The following CYP26C1 variants were observed in gnomAD, a reference collection of about 807,000 sequenced individuals.
CYP26C1 encodes the protein cytochrome P450 26C1.
A neutral mutation model predicts 39.1 loss-of-function variants in CYP26C1; 41 were observed. The observed-to-expected ratio is 1.05, with a 90% CI of 0.82 to 1.36. The LOEUF (loss-of-function observed/expected upper bound fraction) is 1.36, where lower values mean the gene tolerates loss of function less well. CYP26C1 is among the 40% of genes most tolerant of loss of function. The probability of loss-of-function intolerance (pLI) is 0.00; values close to 1 mark genes in which losing one functional copy is unlikely to be tolerated. For synonymous variants in CYP26C1, 362 were observed against 350.8 expected (o/e 1.03, Z -0.36); for missense variants, 833 against 752.0 (o/e 1.11, Z -1.26).
At chr10:93,063,646 A>G (rs182025433) in intron 3 of CYP26C1, 8 of 985,412 alleles carry the variant, frequency 8.1e-6, no homozygotes, top group East Asian at 1.1e-4. Context: ...TAAAAATAAT[A>G]TGTGTAAAGG....
chr10:93,066,558 G>C (rs780297501), intron 5 of CYP26C1, among the ~76,000 whole-genome samples: 2 of 152,222 alleles, frequency 1.3e-5, no homozygotes, highest in African/African-American at 2.4e-5. Context: ...GCAGCGGTTC[G>C]GAACGGTCAA....
At chr10:93,063,993 C>A (rs868693313) in intron 3 of CYP26C1, 1 of 1,015,058 alleles carries the variant, frequency 9.9e-7, no homozygotes, top group Non-Finnish European at 1.2e-6. Flanking sequence ...CATCAAGGTA[C>A]CCCAGCCTGA....
In CYP26C1 at chr10:93,061,239, G is replaced by A; in HGVS notation, c.-25G>A. The A allele has an allele frequency of 1.3e-6, 2 of 1,547,190 alleles. No homozygotes were observed. The highest frequency in any genetic ancestry group is 1.7e-6 in the Non-Finnish European group (2 of 1,148,922). On this transcript the variant is annotated 5_prime_UTR_variant, in exon 1 of 6. Coordinates refer to ENST00000651965, the MANE Select transcript of CYP26C1 (RefSeq NM_183374.3). The stretch of plus-strand genomic sequence containing the variant: ...GTCCCCTGCTCTCCCTGCGCTCTGA[G>A]CGGCCTGGCCCCCGCGGGCTCATCA...
At chr10:93,064,905 C>G in intron 4 of CYP26C1, 1 of 902,920 alleles carries the variant, frequency 1.1e-6, no homozygotes, top group Non-Finnish European at 1.3e-6. Context: ...TTCATTTTTT[C>G]TAGAAACTCT....
intron 2 of CYP26C1, 60 bp downstream of exon 2, chr10:93,062,294 A>T: frequency 6.8e-7 from 1 of 1,465,192 alleles, no homozygotes; most frequent in Non-Finnish European, 9.0e-7. Flanking sequence ...GGCATCTGCC[A>T]TGGGCCAGGC....
chr10:93,066,268 C>A lies in CYP26C1; in HGVS notation c.1174C>A (p.Arg392Ser). 1 of 1,428,088 alleles carries A rather than the reference C, an allele frequency of 7.0e-7. No individual in the cohort carries two copies. The highest frequency in any genetic ancestry group is 1.6e-5 in the South Asian group (1 of 63,992). 88.5% of individuals were successfully genotyped at this position (1,428,088 alleles called of 1,614,324 possible). A position where few individuals can be genotyped will look rare whatever the true frequency, so the allele number is the denominator to read the frequency against. ...PVSGGYRTAL[R>S]TFELDGYQIP... Reference sequence around the variant, plus strand: ...GTCCGGGGGCTACCGCACCGCCCTGCGCACCTTCGAGCTCGACGTAAGTGC... The same window carrying A: ...GTCCGGGGGCTACCGCACCGCCCTGAGCACCTTCGAGCTCGACGTAAGTGC... The change falls in exon 5 of 6, where the codon CGC (arginine) becomes AGC (serine). Residue 392 changes from arginine to serine, a missense_variant. Physicochemically the swap from Arg to Ser is moderately radical, Grantham distance 110 (BLOSUM62 -1). Coordinates refer to ENST00000651965, the MANE Select transcript of CYP26C1 (RefSeq NM_183374.3).
At position 93,068,564 on chromosome 10, in the gene CYP26C1, C is replaced by G. The variant is rs755171735; in HGVS notation, c.1436C>G (p.Thr479Ser). 3.1e-5 allele frequency: 49 copies of G among 1,593,358 alleles called. No individual in the cohort carries two copies. In the Admixed American group the frequency reaches 8.0e-4, roughly 26 times the overall value. ...CTGCTAGCTGTGGAGCTAGTGCGCA[C>G]CGCGCGCTGGGAACTGGCCACACCC... The part of the protein sequence containing the change: ...LQLLAVELVR[T>S]ARWELATPAF... The change falls in exon 6 of 6, where the codon ACC becomes AGC. Residue 479 changes from threonine (T) to serine (S), a missense_variant. Coordinates refer to ENST00000651965, the MANE Select transcript of CYP26C1 (RefSeq NM_183374.3).
chr10:93,066,040 C>G lies in CYP26C1; in HGVS notation c.946C>G (p.Pro316Ala). 1.9e-6 allele frequency: 3 copies of G among 1,541,062 alleles called. No individual in the cohort carries two copies. The African/African-American group carries it at 4.3e-5, about 22-fold the overall frequency. The change falls in exon 5 of 6, where the codon CCG becomes GCG. Residue 316 changes from proline (P) to alanine (A), a missense_variant. By Grantham distance (27) the Pro-to-Ala change is conservative. Transcript: ENST00000651965. ...TSLVLLLLQHPAAIAKIREEL... is the reference protein window; with the variant it reads ...TSLVLLLLQHAAAIAKIREEL... Reference sequence around the variant, plus strand: ...GCTCGTCCTGCTGCTACTGCAGCATCCGGCGGCCATCGCCAAGATTCGGGA... The same window carrying G: ...GCTCGTCCTGCTGCTACTGCAGCATGCGGCGGCCATCGCCAAGATTCGGGA...
At chr10:93,063,313 G>C in intron 3 of CYP26C1, 1 of 1,129,424 alleles carries the variant, frequency 8.9e-7, no homozygotes, top group Non-Finnish European at 1.1e-6. Flanking sequence ...CTGCCAGTCG[G>C]TCGGACTCCT....
chr10:93,066,366 C>T, intron 5 of CYP26C1, 81 bp downstream of exon 5: 3 of 1,208,928 alleles, frequency 2.5e-6, no homozygotes, highest in Non-Finnish European at 3.1e-6. Flanking sequence ...GCCGCGGCGG[C>T]GCCCAGGTGG....
rs1590135038 is a variant in CYP26C1, at chr10:93,062,120, CCTG to C, written c.319_321del (p.Leu107del). 6.4e-7 allele frequency: 1 copy of C among 1,554,654 alleles called. No individual in the cohort carries two copies. The highest frequency in any genetic ancestry group is 1.4e-5 in the African/African-American group (1 of 73,670). On this transcript the variant is annotated inframe_deletion, in exon 2 of 6. Coordinates refer to ENST00000651965, the MANE Select transcript of CYP26C1 (RefSeq NM_183374.3). The stretch of plus-strand genomic sequence containing the variant: ...GCGGCGCGGAGAACGTGCGCACCAT[CCTG>C]CTGGGCGAGCACCGCCTGGTGCGCA...
rs1268318361 is a variant in CYP26C1, at chr10:93,061,234, T to C, written c.-30T>C. 9 of 1,544,992 alleles carry C rather than the reference T, an allele frequency of 5.8e-6. No individual in the cohort carries two copies. Among genetic ancestry groups the C allele is most frequent in the Non-Finnish European group, 7.8e-6 (9 of 1,147,996 alleles). ...CTTGCGTCCCCTGCTCTCCCTGCGCTCTGAGCGGCCTGGCCCCCGCGGGCT... is the reference window on the plus strand; with the variant it reads ...CTTGCGTCCCCTGCTCTCCCTGCGCCCTGAGCGGCCTGGCCCCCGCGGGCT... On this transcript the variant is annotated 5_prime_UTR_variant, in exon 1 of 6. Transcript: ENST00000651965.
At chr10:93,063,175 C>T (rs111691473) in intron 3 of CYP26C1, 180 bp downstream of exon 3, 41,823 of 1,376,212 alleles carry the variant, frequency 0.03, 1,497 homozygotes, top group East Asian at 0.19. Flanking sequence ...CTGGGCCTGG[C>T]CTCTGTGCTG....
At chr10:93,063,079 G>T (rs1379226670) in intron 3 of CYP26C1, 84 bp downstream of exon 3, 3 of 1,477,356 alleles carry the variant, frequency 2.0e-6, no homozygotes, top group South Asian at 1.4e-5. Context: ...CGCCCTCGGC[G>T]CACCCCGCGC....
chr10:93,067,902 T>G (rs150030041), intron 5 of CYP26C1, among the ~76,000 whole-genome samples: 34 of 152,276 alleles, frequency 2.2e-4, no homozygotes, highest in Non-Finnish European at 3.1e-4. Flanking sequence ...GTCATGTGCA[T>G]TTTTCCCACT....
chr10:93,066,765 AG>A (rs959498014), intron 5 of CYP26C1, among the ~76,000 whole-genome samples: 9 of 151,796 alleles, frequency 5.9e-5, no homozygotes, highest in Admixed American at 1.3e-4. Flanking sequence ...ATTCCAGGGG[AG>A]GGGGGGATTA....
rs1396915506 is a variant in CYP26C1 at position 93,061,589 on chromosome 10, C to G, written c.204+122C>G. 3 of 1,262,438 alleles carry G rather than the reference C, an allele frequency of 2.4e-6. No individual in the cohort carries two copies. In the Admixed American group the frequency reaches 7.2e-5, roughly 31 times the overall value. The allele number at this position is 1,262,438 out of a possible 1,614,324, so 78.2% of individuals were successfully genotyped here. On this transcript the variant is annotated intron_variant, in intron 1 of 5. Transcript: ENST00000651965. ...CAGTCCCTGCCCATCGCCCACGACCCCGGGAAGCGCGCACAACTCTCGCCT... is the reference window on the plus strand; with the variant it reads ...CAGTCCCTGCCCATCGCCCACGACCGCGGGAAGCGCGCACAACTCTCGCCT...
chr10:93,062,991 G>GC lies in CYP26C1; in HGVS notation c.702dup (p.Lys235GlnfsTer19). ...CTGGACGTTCCCTTCAGTGGCCTAC[G>GC]CAAGGTACGGCCGCCCCGGCTCCAG... On this transcript the variant is annotated frameshift_variant, in exon 3 of 6. Coordinates refer to ENST00000651965, the MANE Select transcript of CYP26C1 (RefSeq NM_183374.3). LOFTEE classifies it high-confidence loss of function. The GC allele has an allele frequency of 1.3e-6, 2 of 1,562,216 alleles. No homozygotes were observed. The highest frequency in any genetic ancestry group is 1.7e-6 in the Non-Finnish European group (2 of 1,155,396).
chr10:93,063,421 G>A, intron 3 of CYP26C1: 3 of 994,382 alleles, frequency 3.0e-6, no homozygotes, highest in African/African-American at 1.7e-5. Context: ...GATGAGCCCC[G>A]GTCCAGCCCA....
Sources: gnomAD v4.1 joint callset for allele counts (sites outside exome capture counted in the v4.1 genomes callset) on GRCh38, gnomAD v4.1.1 for gene constraint, MANE v1.5 for transcripts, NCBI Gene and HGNC (gene_info 2026-07-23, HGNC 2026-07-21) for gene names.